FBXL17: variants seen among roughly 807,000 people sequenced by gnomAD.
FBXL17 encodes the protein F-box and leucine rich repeat protein 17, also known as F-box/LRR-repeat protein 17.
Under a neutral mutation model 66.2 loss-of-function variants are expected in FBXL17, and 22 were observed. That is an observed-to-expected ratio of 0.33 (90% CI 0.24 to 0.47). The LOEUF (loss-of-function observed/expected upper bound fraction) is 0.47, where lower values mean the gene tolerates loss of function less well. FBXL17 is among the 20% of genes least tolerant of loss of function. The probability of loss-of-function intolerance (pLI) is 1.00; values close to 1 mark genes in which losing one functional copy is unlikely to be tolerated. For missense variants in FBXL17, 878 were observed against 948.2 expected, an observed-to-expected ratio of 0.93 and a Z score of 0.97; for synonymous variants, 474 against 400.5, an observed-to-expected ratio of 1.18 and a Z score of -2.19.
At chr5:107,969,114 T>C (rs747768219) in intron 7 of FBXL17, among the ~76,000 whole-genome samples, 12 of 152,164 alleles carry the variant, frequency 7.9e-5, no homozygotes, top group Non-Finnish European at 1.3e-4. Flanking sequence ...CCCAGTGCAA[T>C]GACACAGTGG....
chr5:108,302,635 A>G (rs1287399558), intron 4 of FBXL17, among the ~76,000 whole-genome samples: 1 of 151,790 alleles, frequency 6.6e-6, no homozygotes, highest in Non-Finnish European at 1.5e-5. Flanking sequence ...TAATTTTACT[A>G]TATTTAAATA....
intron 4 of FBXL17, among the ~76,000 whole-genome samples, chr5:108,331,784 T>A (rs1004632371): frequency 6.6e-6 from 1 of 151,996 alleles, no homozygotes; most frequent in Non-Finnish European, 1.5e-5. Context: ...AACCCGTATA[T>A]CAAGTCACAG....
At chr5:108,311,906 A>G (rs1021511949) in intron 4 of FBXL17, among the ~76,000 whole-genome samples, 8 of 152,134 alleles carry the variant, frequency 5.3e-5, no homozygotes, top group Admixed American at 2.0e-4. Context: ...ATGTAAGAAG[A>G]GTTCTAGTTA....
chr5:107,886,530 G>A (rs1409776496), intron 7 of FBXL17, among the ~76,000 whole-genome samples: 7 of 151,962 alleles, frequency 4.6e-5, no homozygotes, highest in Non-Finnish European at 7.4e-5. Context: ...CTGGAGCAGG[G>A]AAAGTACAAG....
chr5:108,290,806 T>A (rs1218869332), intron 4 of FBXL17, among the ~76,000 whole-genome samples: 2 of 152,202 alleles, frequency 1.3e-5, no homozygotes, highest in Non-Finnish European at 2.9e-5. Flanking sequence ...TTATTGCAAA[T>A]AATGTTTGAA....
At chr5:108,297,443 CTCCATATATATAGGAATAAA>C (rs920406827) in intron 4 of FBXL17, among the ~76,000 whole-genome samples, 2 of 151,596 alleles carry the variant, frequency 1.3e-5, no homozygotes, top group African/African-American at 4.8e-5. Context: ...GGTGCTCAAT[CTCCATATATATAGGAATAAA>C]TATCCCAAAA....
chr5:108,231,384 C>A (rs1755333836), intron 4 of FBXL17, among the ~76,000 whole-genome samples: 1 of 152,120 alleles, frequency 6.6e-6, no homozygotes. Context: ...TATACTTTTA[C>A]CTTTTCTAGA....
intron 7 of FBXL17, among the ~76,000 whole-genome samples, chr5:107,896,366 T>C (rs1367474964): frequency 3.3e-5 from 5 of 152,152 alleles, no homozygotes; most frequent in Admixed American, 3.3e-4. Context: ...GTCTTCACTT[T>C]CAGTGTGGCA....
At chr5:108,361,128 T>C (rs1410143288) in intron 3 of FBXL17, among the ~76,000 whole-genome samples, 1 of 152,158 alleles carries the variant, frequency 6.6e-6, no homozygotes, top group African/African-American at 2.4e-5. Flanking sequence ...TTTTTTGTTT[T>C]AATGGGTAAT....
At chr5:108,015,677 G>A (rs1754355495) in intron 7 of FBXL17, among the ~76,000 whole-genome samples, 1 of 152,130 alleles carries the variant, frequency 6.6e-6, no homozygotes, top group African/African-American at 2.4e-5. Flanking sequence ...AACCCAGAAT[G>A]CTTGTTGGGG....
At chr5:108,060,183 T>G (rs1251942372) in intron 6 of FBXL17, among the ~76,000 whole-genome samples, 5 of 151,814 alleles carry the variant, frequency 3.3e-5, no homozygotes, top group Non-Finnish European at 7.4e-5. Flanking sequence ...TACATATATA[T>G]ATAGATATAG....
At chr5:108,054,330 G>A (rs1747601268) in intron 6 of FBXL17, among the ~76,000 whole-genome samples, 1 of 152,068 alleles carries the variant, frequency 6.6e-6, no homozygotes, top group South Asian at 2.1e-4. Flanking sequence ...ACAGTTATGG[G>A]TTTTTTTAGC....
intron 8 of FBXL17, among the ~76,000 whole-genome samples, chr5:107,865,167 A>G (rs1204592816): frequency 6.6e-6 from 1 of 152,260 alleles, no homozygotes; most frequent in Non-Finnish European, 1.5e-5. Context: ...ACTCTTTTCT[A>G]TGGTACATCT....
At chr5:108,031,047 A>G (rs909993079) in intron 6 of FBXL17, among the ~76,000 whole-genome samples, 1 of 152,144 alleles carries the variant, frequency 6.6e-6, no homozygotes, top group Non-Finnish European at 1.5e-5. Flanking sequence ...GAAAAGTAAG[A>G]GCAATTCAAT....
At chr5:108,372,423 A>G (rs908667209) in intron 1 of FBXL17, among the ~76,000 whole-genome samples, 2 of 152,220 alleles carry the variant, frequency 1.3e-5, no homozygotes, top group African/African-American at 4.8e-5. Flanking sequence ...TCTAGCTCAT[A>G]AACTCAATGA....
chr5:107,904,512 T>A (rs1749688314), intron 7 of FBXL17, among the ~76,000 whole-genome samples: 2 of 152,172 alleles, frequency 1.3e-5, no homozygotes, highest in African/African-American at 4.8e-5. Flanking sequence ...ATCTGATATA[T>A]AACTATATCT....
chr5:108,293,691 T>C (rs2150166333), intron 4 of FBXL17, among the ~76,000 whole-genome samples: 1 of 152,256 alleles, frequency 6.6e-6, no homozygotes, highest in East Asian at 1.9e-4. Flanking sequence ...GTCATTAATT[T>C]TACCACTGCA....
intron 6 of FBXL17, among the ~76,000 whole-genome samples, chr5:108,088,393 C>T (rs1327753693): frequency 6.6e-6 from 1 of 152,032 alleles, no homozygotes; most frequent in Non-Finnish European, 1.5e-5. Context: ...TTGACTTCTA[C>T]CACACTAAAC....
At chr5:107,936,821 A>ATACAATGG in intron 7 of FBXL17, among the ~76,000 whole-genome samples, 1 of 152,270 alleles carries the variant, frequency 6.6e-6, no homozygotes, top group East Asian at 1.9e-4. Context: ...ACTTTTTAAA[A>ATACAATGG]TATTTACAAT....
Sources: gnomAD v4.1 joint callset for allele counts (sites outside exome capture counted in the v4.1 genomes callset) on GRCh38, gnomAD v4.1.1 for gene constraint, MANE v1.5 for transcripts, NCBI Gene and HGNC (gene_info 2026-07-23, HGNC 2026-07-21) for gene names.